The following FHIT variants were observed in gnomAD, a reference collection of about 807,000 sequenced individuals.
The protein encoded by FHIT is bis(5'-adenosyl)-triphosphatase.
Under a neutral mutation model 17.9 loss-of-function variants are expected in FHIT, and 19 were observed. That is an observed-to-expected ratio of 1.06 (90% CI 0.74 to 1.56). FHIT has a LOEUF of 1.56. Ranked by LOEUF, FHIT falls within the 40% of genes most tolerant of loss-of-function variation. The pLI is 0.00. For synonymous variants in FHIT, 81 were observed against 69.7 expected, an observed-to-expected ratio of 1.16 and a Z score of -0.81; for missense variants, 248 against 189.2, an observed-to-expected ratio of 1.31 and a Z score of -1.82.
chr3:60,456,736 C>G (rs1301992713), intron 5 of FHIT, among the ~76,000 whole-genome samples: 1 of 152,038 alleles, frequency 6.6e-6, no homozygotes, highest in African/African-American at 2.4e-5. Flanking sequence ...GACATCTTAC[C>G]CAAATCCATC....
At position 59,905,484 on chromosome 3, in the gene FHIT, T is replaced by C. The variant is rs1450559041; in HGVS notation, c.348+16862A>G. ...TTGAATTCGTATGTCTGTATAAACC[T>C]AACCTAGTGCCTCTCACGTAGTAAG... On this transcript the variant is annotated intron_variant, in intron 8 of 9. Transcript: ENST00000492590. Among the ~76,000 whole-genome samples the C allele has an allele frequency of 4.6e-5, 7 of 152,336 alleles. No individual in the cohort carries two copies. The South Asian group carries it at 1.5e-3, about 32-fold the overall frequency.
chr3:60,614,878 G>A (rs1169136011), intron 4 of FHIT, among the ~76,000 whole-genome samples: 1 of 137,388 alleles, frequency 7.3e-6, no homozygotes, highest in Non-Finnish European at 1.5e-5. Context: ...TCGCCAGACT[G>A]GAGTGCAGTG....
chr3:60,330,578 A>G (rs1365126561), intron 5 of FHIT, among the ~76,000 whole-genome samples: 2 of 152,208 alleles, frequency 1.3e-5, no homozygotes, highest in Non-Finnish European at 2.9e-5. Context: ...AGGCATCCAG[A>G]TTGTTCTGGA....
At position 60,855,353 on chromosome 3, in the gene FHIT, A is replaced by T. The variant is rs184425849; in HGVS notation, c.-110-33342T>A. On this transcript the variant is annotated intron_variant, in intron 3 of 9. Transcript: ENST00000492590. ...GAAAGATTTTTCACCTTTGGTAAAA[A>T]GTCATAGTTGCAAGAGGAGAAAGCC... Among the ~76,000 whole-genome samples, 51 of 152,264 alleles carry T rather than the reference A, an allele frequency of 3.3e-4. No individual in the cohort carries two copies. In the Middle Eastern group the frequency reaches 0.01, roughly 30 times the overall value.
intron 2 of FHIT, among the ~76,000 whole-genome samples, chr3:61,067,257 A>G (rs150419522): frequency 3.9e-5 from 6 of 152,304 alleles, no homozygotes; most frequent in African/African-American, 1.2e-4. Flanking sequence ...CTTAGACTCA[A>G]TGATTCACTA....
chr3:59,906,555 G>A (rs1704593769), intron 8 of FHIT, among the ~76,000 whole-genome samples: 1 of 152,196 alleles, frequency 6.6e-6, no homozygotes, highest in Non-Finnish European at 1.5e-5. Context: ...TACTGCTTCT[G>A]TGGAGTTGGT....
rs146580014 is a variant in FHIT, at chr3:59,832,346, A to G, written c.349-80025T>C. On this transcript the variant is annotated intron_variant, in intron 8 of 9. Transcript: ENST00000492590. ...ACGTCTTTAACTTAACTCCAACCTC[A>G]TTGTGCTAGGTTCTGTTTTCTCCTC... 1.3e-4 allele frequency among the ~76,000 whole-genome samples: 20 copies of G among 152,136 alleles called. No individual in the cohort carries two copies. The East Asian group carries it at 3.9e-3, about 29-fold the overall frequency.
At chr3:60,591,628 G>A (rs542344455) in intron 4 of FHIT, among the ~76,000 whole-genome samples, 24 of 152,118 alleles carry the variant, frequency 1.6e-4, no homozygotes, top group South Asian at 6.2e-4. Flanking sequence ...TCCCCATGTC[G>A]TGGAAGACTA....
At position 60,808,377 on chromosome 3, in the gene FHIT, G is replaced by A. The variant is rs771570794; in HGVS notation, c.-18+13542C>T. 2.0e-5 allele frequency among the ~76,000 whole-genome samples: 3 copies of A among 152,126 alleles called. No individual in the cohort carries two copies. In the South Asian group the frequency reaches 6.2e-4, roughly 32 times the overall value. ...ATCTTGTCTATGAGAATGAACCCTA[G>A]GACAATTAAATATCCTTTAATTTTG... On this transcript the variant is annotated intron_variant, in intron 4 of 9. Coordinates refer to ENST00000492590, the MANE Select transcript of FHIT (RefSeq NM_002012.4).
chr3:60,033,481 C>T lies in FHIT; in HGVS notation c.104-19329G>A, dbSNP rs150033932. Among the ~76,000 whole-genome samples the T allele has an allele frequency of 7.6e-3, 1,107 of 146,544 alleles. 13 individuals carry two copies. Among genetic ancestry groups the T allele is most frequent in the African/African-American group, 0.026 (1,022 of 39,396 alleles). ...TGCACTCCAGCCTAGGCAACAAGAA[C>T]GAAACTCCATCCCAAAAAAAAAAGA... On this transcript the variant is annotated intron_variant, in intron 5 of 9. Transcript: ENST00000492590.
intron 5 of FHIT, among the ~76,000 whole-genome samples, chr3:60,121,709 A>AC (rs1705260217): frequency 8.6e-6 from 1 of 116,336 alleles, no homozygotes; most frequent in Non-Finnish European, 1.9e-5. Flanking sequence ...AAACAAAACA[A>AC]ACACACACAC....
At chr3:60,688,598 A>C (rs1390576348) in intron 4 of FHIT, among the ~76,000 whole-genome samples, 1 of 151,750 alleles carries the variant, frequency 6.6e-6, no homozygotes, top group East Asian at 1.9e-4. Flanking sequence ...GGCCAGGCTA[A>C]TTTTTGTATT....
chr3:60,071,788 C>G (rs754704987), intron 5 of FHIT, among the ~76,000 whole-genome samples: 33 of 152,124 alleles, frequency 2.2e-4, no homozygotes, highest in Non-Finnish European at 4.3e-4. Context: ...ATGAGATGGA[C>G]CCGGTGAGAG....
intron 3 of FHIT, among the ~76,000 whole-genome samples, chr3:60,999,575 A>T (rs2030919746): frequency 6.6e-6 from 1 of 151,736 alleles, no homozygotes; most frequent in East Asian, 1.9e-4. Context: ...ATGTAGAAAA[A>T]GATAGAATAT....
At chr3:59,924,904 C>A (rs1705577044) in intron 7 of FHIT, among the ~76,000 whole-genome samples, 1 of 152,200 alleles carries the variant, frequency 6.6e-6, no homozygotes, top group Non-Finnish European at 1.5e-5. Flanking sequence ...CACTGGCTTA[C>A]AATATCCACC....
chr3:60,074,663 G>C (rs1702927164), intron 5 of FHIT, among the ~76,000 whole-genome samples: 1 of 93,232 alleles, frequency 1.1e-5, no homozygotes, highest in African/African-American at 3.7e-5. Context: ...GTTCCAAAGG[G>C]GAAAAAAAAA....
At chr3:60,959,663 C>T (rs1553780003) in intron 3 of FHIT, among the ~76,000 whole-genome samples, 1 of 151,990 alleles carries the variant, frequency 6.6e-6, no homozygotes, top group Admixed American at 6.6e-5. Flanking sequence ...AAACAAACTT[C>T]CATGGGGCTG....
At chr3:60,509,382 A>C (rs181904836) in intron 5 of FHIT, among the ~76,000 whole-genome samples, 1 of 152,334 alleles carries the variant, frequency 6.6e-6, no homozygotes, top group Admixed American at 6.5e-5. Flanking sequence ...GTACTATTAC[A>C]TAAGTAGAAG....
intron 5 of FHIT, among the ~76,000 whole-genome samples, chr3:60,305,348 T>C (rs144869891): frequency 1.0e-3 from 159 of 152,182 alleles, no homozygotes; most frequent in African/African-American, 3.5e-3. Flanking sequence ...AATCATAAAA[T>C]AGGTGTAGGG....
Sources: allele counts gnomAD v4.1 joint callset (sites outside exome capture counted in the v4.1 genomes callset), GRCh38; gene constraint gnomAD v4.1.1; transcripts MANE v1.5; gene names NCBI Gene and HGNC (gene_info 2026-07-23, HGNC 2026-07-21).